Variants in AVEN observed in about 807,000 individuals in gnomAD.
AVEN encodes the protein apoptosis and caspase activation inhibitor.
AVEN carries 41 observed loss-of-function variants against 38.1 expected under a neutral mutation model. That is an observed-to-expected ratio of 1.08 (90% CI 0.84 to 1.40). AVEN has a LOEUF of 1.40. AVEN is among the 40% of genes most tolerant of loss of function. The probability of loss-of-function intolerance (pLI) is 0.00; values close to 1 mark genes in which losing one functional copy is unlikely to be tolerated. For synonymous variants in AVEN, 206 were observed against 171.8 expected, an observed-to-expected ratio of 1.20 and a Z score of -1.56; for missense variants, 605 against 438.8, an observed-to-expected ratio of 1.38 and a Z score of -3.38.
downstream of AVEN, chr15:33,864,836 A>C (rs903656910): frequency 3.2e-6 from 1 of 315,050 alleles, no homozygotes; most frequent in Non-Finnish European, 5.8e-6. Flanking sequence ...GCATGGAATC[A>C]GCTTATTGCT....
chr15:33,978,757 A>T (rs1896005636), intron 2 of AVEN, among the ~76,000 whole-genome samples: 2 of 152,318 alleles, frequency 1.3e-5, no homozygotes, highest in South Asian at 4.1e-4. Flanking sequence ...ATTCGGCCTT[A>T]CTTTTTCCCT....
At chr15:33,988,085 G>A (rs1002847149) in intron 2 of AVEN, among the ~76,000 whole-genome samples, 3 of 152,200 alleles carry the variant, frequency 2.0e-5, no homozygotes, top group Non-Finnish European at 2.9e-5. Context: ...CCCAAGCCTT[G>A]GGGCTTCTGT....
At chr15:34,049,296 C>T (rs1899842895) in intron 5 of AVEN, among the ~76,000 whole-genome samples, 1 of 152,086 alleles carries the variant, frequency 6.6e-6, no homozygotes, top group Non-Finnish European at 1.5e-5. Flanking sequence ...TGCAAGGGAG[C>T]TATGAATCAT....
chr15:34,060,493 G>GTTA (rs1196553527), intron 5 of AVEN, among the ~76,000 whole-genome samples: 1 of 152,176 alleles, frequency 6.6e-6, no homozygotes, highest in African/African-American at 2.4e-5. Flanking sequence ...GTCAGTTACT[G>GTTA]TTATCAAAAA....
chr15:33,858,215 T>TTTTTTTGAGATGGAGTTTTGC (rs1276156247), downstream of AVEN: 5 of 293,762 alleles, frequency 1.7e-5, no homozygotes, highest in Non-Finnish European at 3.2e-5. Flanking sequence ...CATTATTTTA[T>TTTTTTTGAGATGGAGTTTTGC]TTTTTTGAGA....
In AVEN at chr15:33,993,991, C is replaced by T. The variant is rs575215834; in HGVS notation, c.445+9041G>A. Among the ~76,000 whole-genome samples, 304 of 152,342 alleles carry T rather than the reference C, an allele frequency of 2.0e-3. 3 individuals carry two copies. Among genetic ancestry groups the T allele is most frequent in the African/African-American group, 6.9e-3 (285 of 41,568 alleles). ...TAATGAATATTTGCGTTGCTTCCATCTGAGGCTCTTCTGAACATACAGCTG... is the reference window on the plus strand; with the variant it reads ...TAATGAATATTTGCGTTGCTTCCATTTGAGGCTCTTCTGAACATACAGCTG... On this transcript the variant is annotated intron_variant, in intron 2 of 5. Coordinates refer to ENST00000306730, the MANE Select transcript of AVEN (RefSeq NM_020371.3).
chr15:33,994,256 C>A (rs1340654969), intron 2 of AVEN, among the ~76,000 whole-genome samples: 3 of 152,172 alleles, frequency 2.0e-5, no homozygotes, highest in African/African-American at 7.2e-5. Context: ...GGAGCCAAAC[C>A]CTATTGTGAA....
At chr15:33,996,367 G>C (rs1896933506) in intron 2 of AVEN, among the ~76,000 whole-genome samples, 2 of 152,148 alleles carry the variant, frequency 1.3e-5, no homozygotes, top group African/African-American at 4.8e-5. Flanking sequence ...AGAACCGACA[G>C]ACTGCCTCCT....
intron 2 of AVEN, among the ~76,000 whole-genome samples, chr15:33,902,613 G>A (rs1048567849): frequency 2.6e-5 from 4 of 152,136 alleles, no homozygotes; most frequent in African/African-American, 9.7e-5. Context: ...CCAAATCAAT[G>A]CCTTTATCTC....
chr15:33,970,850 CCTT>C (rs1266385267), intron 2 of AVEN, among the ~76,000 whole-genome samples: 2 of 151,916 alleles, frequency 1.3e-5, no homozygotes, highest in Non-Finnish European at 2.9e-5. Context: ...CTATAACTCA[CCTT>C]CTAATGACAA....
intron 2 of AVEN, among the ~76,000 whole-genome samples, chr15:33,890,353 T>C (rs116012141): frequency 0.013 from 1,919 of 152,274 alleles, 30 homozygotes; most frequent in African/African-American, 0.044. Context: ...CAGTAGGCAG[T>C]TAGTAAATGT....
rs141408054 is a variant in AVEN at position 34,062,764 on chromosome 15, C to T, written n.1637+158G>A. The stretch of plus-strand genomic sequence containing the variant: ...AATGCAACCACCGTCAATGGCACCC[C>T]AGTAAATCACCAGCCTTTGGAACGC... On this transcript the variant is annotated intron_variant and non_coding_transcript_variant, in intron 5 of 11. Transcript: ENST00000675287. 137 of 1,613,912 alleles carry T rather than the reference C, an allele frequency of 8.5e-5. 1 individual carries two copies. The African/African-American group carries it at 1.5e-3, about 18-fold the overall frequency.
intron 1 of AVEN, among the ~76,000 whole-genome samples, chr15:34,013,481 A>G (rs1449261591): frequency 6.6e-6 from 1 of 152,234 alleles, no homozygotes; most frequent in Admixed American, 6.5e-5. Context: ...CTGTCCTGCA[A>G]TATGTCCACA....
At chr15:34,062,883 A>G in intron 5 of AVEN, 1 of 1,614,222 alleles carries the variant, frequency 6.2e-7, no homozygotes, top group Non-Finnish European at 8.5e-7. Flanking sequence ...GATCTCCTTC[A>G]AAGTCAACAG....
intron 2 of AVEN, among the ~76,000 whole-genome samples, chr15:33,929,063 A>G (rs1468846203): frequency 2.0e-5 from 3 of 152,096 alleles, no homozygotes; most frequent in African/African-American, 7.2e-5. Context: ...AAGTTCCATA[A>G]CAGTTGTATC....
chr15:34,032,097 A>T (rs1898880254), intron 1 of AVEN, among the ~76,000 whole-genome samples: 1 of 152,166 alleles, frequency 6.6e-6, no homozygotes, highest in Non-Finnish European at 1.5e-5. Context: ...TGCCGTAATA[A>T]GTTAGTCAGT....
At chr15:33,948,486 A>G (rs1262214912) in intron 2 of AVEN, among the ~76,000 whole-genome samples, 1 of 150,188 alleles carries the variant, frequency 6.7e-6, no homozygotes, top group Non-Finnish European at 1.5e-5. Flanking sequence ...AAAATAAAGT[A>G]ACAATACTTT....
At chr15:33,882,240 A>G (rs984710826) in intron 2 of AVEN, among the ~76,000 whole-genome samples, 2 of 152,230 alleles carry the variant, frequency 1.3e-5, no homozygotes, top group Non-Finnish European at 2.9e-5. Context: ...TAAGAATACC[A>G]AAATATTAGG....
At chr15:34,029,517 C>CAAAAA (rs66519745) in intron 1 of AVEN, among the ~76,000 whole-genome samples, 17 of 118,682 alleles carry the variant, frequency 1.4e-4, no homozygotes, top group African/African-American at 2.0e-4. Context: ...CCTATTTCTA[C>CAAAAA]AAAAAAAAAA....
Sources: gnomAD v4.1 joint callset for allele counts (sites outside exome capture counted in the v4.1 genomes callset) on GRCh38, gnomAD v4.1.1 for gene constraint, MANE v1.5 for transcripts, NCBI Gene and HGNC (gene_info 2026-07-23, HGNC 2026-07-21) for gene names.